The following CCDC178 variants were observed in gnomAD, a reference collection of about 807,000 sequenced individuals.
CCDC178 encodes coiled-coil domain containing 178, also known as coiled-coil domain-containing protein 178.
Under a neutral mutation model 117.4 loss-of-function variants are expected in CCDC178, and 126 were observed. That is an observed-to-expected ratio of 1.07 (90% CI 0.93 to 1.24). The LOEUF is 1.24. Ranked by LOEUF, CCDC178 falls within the 50% of genes most tolerant of loss-of-function variation. The pLI is 0.00. For missense variants in CCDC178, 1,030 were observed against 986.9 expected, an observed-to-expected ratio of 1.04 and a Z score of -0.59; for synonymous variants, 283 against 313.4, an observed-to-expected ratio of 0.90 and a Z score of 1.02.
intron 2 of CCDC178, among the ~76,000 whole-genome samples, chr18:33,416,797 G>T (rs1014086941): frequency 6.6e-6 from 1 of 152,074 alleles, no homozygotes; most frequent in South Asian, 2.1e-4. Flanking sequence ...AGCCACATAG[G>T]GAGAAGTAAC....
At chr18:33,379,123 ATAATATATATATT>A in intron 5 of CCDC178, among the ~76,000 whole-genome samples, 1 of 6,532 alleles carries the variant, frequency 1.5e-4, no homozygotes, top group Admixed American at 3.8e-3. Context: ...CCATATATAT[ATAATATATATATT>A]TCCATATATA....
intron 2 of CCDC178, among the ~76,000 whole-genome samples, chr18:33,434,904 A>T (rs1300381317): frequency 6.6e-6 from 1 of 152,114 alleles, no homozygotes; most frequent in East Asian, 1.9e-4. Context: ...TCAATTTTCA[A>T]ATTTTCCGCT....
At chr18:33,421,198 T>C (rs183355370) in intron 2 of CCDC178, among the ~76,000 whole-genome samples, 1 of 152,242 alleles carries the variant, frequency 6.6e-6, no homozygotes, top group East Asian at 1.9e-4. Context: ...GTGGCCCAAA[T>C]AAAGTAATGA....
chr18:33,116,167 A>G (rs1799965548), intron 20 of CCDC178, among the ~76,000 whole-genome samples: 1 of 152,070 alleles, frequency 6.6e-6, no homozygotes. Flanking sequence ...GAGCTACTAC[A>G]GAGGGGGCTT....
intron 2 of CCDC178, among the ~76,000 whole-genome samples, chr18:33,436,171 CAA>C (rs1485070632): frequency 2.6e-5 from 4 of 151,984 alleles, no homozygotes; most frequent in Admixed American, 1.3e-4. Context: ...TCATAGAAAA[CAA>C]GAGAAAGGAG....
chr18:33,249,402 T>A (rs1246431346), intron 14 of CCDC178, among the ~76,000 whole-genome samples: 4 of 152,122 alleles, frequency 2.6e-5, no homozygotes, highest in African/African-American at 9.7e-5. Context: ...TGGTTTTAGG[T>A]CTAACATTTA....
intron 21 of CCDC178, among the ~76,000 whole-genome samples, chr18:33,003,238 A>G (rs1240523242): frequency 6.6e-6 from 1 of 152,132 alleles, no homozygotes; most frequent in Admixed American, 6.5e-5. Flanking sequence ...AAGAAAAGAA[A>G]AACTACAAAC....
Position 33,209,374 on chromosome 18 carries a change from T to A in CCDC178, c.2238+2522A>T, listed in dbSNP as rs574119112. On this transcript the variant is annotated intron_variant, in intron 20 of 22. Coordinates refer to ENST00000383096, the MANE Select transcript of CCDC178 (RefSeq NM_001105528.4). ...TCTAATTCTATTGTGTGTTTTCTCA[T>A]ATTCTCCATTAACTCTTGTGACTTT... Among the ~76,000 whole-genome samples, 4 of 152,068 alleles carry A rather than the reference T, an allele frequency of 2.6e-5. No individual in the cohort carries two copies. The South Asian group carries it at 8.3e-4, about 31-fold the overall frequency.
chr18:33,208,506 A>G (rs2059071783), intron 20 of CCDC178, among the ~76,000 whole-genome samples: 1 of 152,026 alleles, frequency 6.6e-6, no homozygotes, highest in Non-Finnish European at 1.5e-5. Flanking sequence ...CAAATCTTCC[A>G]TCTTCCTGCT....
chr18:33,021,538 A>T (rs545161328), intron 21 of CCDC178, among the ~76,000 whole-genome samples: 79 of 152,284 alleles, frequency 5.2e-4, no homozygotes, highest in African/African-American at 1.9e-3. Context: ...TTCTACTAAA[A>T]ATACAAACAA....
chr18:33,077,423 C>A (rs2145019852), intron 21 of CCDC178, among the ~76,000 whole-genome samples: 2 of 152,076 alleles, frequency 1.3e-5, no homozygotes, highest in Admixed American at 6.5e-5. Flanking sequence ...GGTAGCTGAG[C>A]TAAAAATGAG....
intron 11 of CCDC178, among the ~76,000 whole-genome samples, chr18:33,302,487 C>T (rs1599130280): frequency 6.6e-6 from 1 of 152,240 alleles, no homozygotes; most frequent in Non-Finnish European, 1.5e-5. Context: ...AATAGAACTA[C>T]TATATGATCC....
intron 12 of CCDC178, among the ~76,000 whole-genome samples, chr18:33,269,364 G>A (rs1434902176): frequency 2.0e-5 from 3 of 151,786 alleles, no homozygotes; most frequent in Non-Finnish European, 4.4e-5. Flanking sequence ...AATCTAGAAG[G>A]CTGCAAATAT....
chr18:33,424,536 G>C (rs999497277), intron 2 of CCDC178, among the ~76,000 whole-genome samples: 1 of 152,162 alleles, frequency 6.6e-6, no homozygotes, highest in Non-Finnish European at 1.5e-5. Flanking sequence ...AGTGTCTGTA[G>C]AAGGTATAAC....
At chr18:33,188,959 A>C (rs995165062) in intron 20 of CCDC178, among the ~76,000 whole-genome samples, 17 of 152,160 alleles carry the variant, frequency 1.1e-4, no homozygotes, top group Non-Finnish European at 2.4e-4. Flanking sequence ...TGAAGTTGAA[A>C]CTTCCATCTG....
At chr18:33,112,836 G>A (rs1389919006) in intron 20 of CCDC178, among the ~76,000 whole-genome samples, 1 of 151,842 alleles carries the variant, frequency 6.6e-6, no homozygotes, top group Non-Finnish European at 1.5e-5. Context: ...GAAGATGATG[G>A]GGGAATTCCT....
chr18:33,062,913 C>CT (rs2144967562), intron 21 of CCDC178, among the ~76,000 whole-genome samples: 1 of 152,256 alleles, frequency 6.6e-6, no homozygotes, highest in East Asian at 1.9e-4. Context: ...CCCACAGTGT[C>CT]TTATAGCCTA....
intron 11 of CCDC178, among the ~76,000 whole-genome samples, chr18:33,317,153 A>G (rs531179024): frequency 6.6e-6 from 1 of 152,102 alleles, no homozygotes; most frequent in Non-Finnish European, 1.5e-5. Context: ...TCTTTGCAAC[A>G]AATCTTGCTA....
At chr18:33,292,157 A>G (rs2060173831) in intron 12 of CCDC178, among the ~76,000 whole-genome samples, 1 of 152,240 alleles carries the variant, frequency 6.6e-6, no homozygotes, top group Non-Finnish European at 1.5e-5. Flanking sequence ...ATAATTCACA[A>G]AACCTAAGAT....
Sources: allele counts gnomAD v4.1 joint callset (sites outside exome capture counted in the v4.1 genomes callset), GRCh38; gene constraint gnomAD v4.1.1; transcripts MANE v1.5; gene names NCBI Gene and HGNC (gene_info 2026-07-23, HGNC 2026-07-21).